APOOL: variants seen among roughly 807,000 people sequenced by gnomAD.
APOOL encodes the protein apolipoprotein O like, also known as MICOS complex subunit MIC27.
Under a neutral mutation model 23.1 loss-of-function variants are expected in APOOL, and 12 were observed. The observed-to-expected ratio is 0.52, with a 90% CI of 0.33 to 0.84. The LOEUF (loss-of-function observed/expected upper bound fraction) is 0.84. Ranked by LOEUF, APOOL falls within the 40% of genes least tolerant of loss-of-function variation. The pLI is 0.02. For synonymous variants in APOOL, 77 were observed against 69.9 expected (o/e 1.10, Z -0.51); for missense variants, 212 against 199.6 (o/e 1.06, Z -0.37).
At chrX:85,070,380 A>G (rs1923622232) in intron 6 of APOOL, among the ~76,000 whole-genome samples, 1 of 111,227 alleles carries the variant, frequency 9.0e-6, no homozygotes, top group Non-Finnish European at 1.9e-5. Flanking sequence ...AGATGGAATT[A>G]CTCTTCGCTT....
chrX:85,060,425 G>T, intron 5 of APOOL, among the ~76,000 whole-genome samples: 1 of 107,218 alleles, frequency 9.3e-6, no homozygotes, highest in African/African-American at 3.4e-5. Context: ...GAAAGTCATT[G>T]GTAGCTTGAT....
At position 85,073,309 on chromosome X, in the gene APOOL, G is replaced by C. The variant is rs747038930; in HGVS notation, c.487-689G>C. Among the ~76,000 whole-genome samples the C allele has an allele frequency of 3.6e-5, 4 of 111,072 alleles. No homozygotes were observed. In the East Asian group the frequency reaches 1.1e-3, roughly 31 times the overall value. On this transcript the variant is annotated intron_variant, in intron 6 of 8. Transcript: ENST00000373173. ...CTGTTGAAATTACTTTAACTAAAAT[G>C]AACAAAAGCATTGGAGAAGAATAGG...
intron 1 of APOOL, among the ~76,000 whole-genome samples, chrX:85,018,141 A>G (rs1452913160): frequency 3.6e-5 from 4 of 112,522 alleles, no homozygotes; most frequent in Non-Finnish European, 7.5e-5. Context: ...TCTATGTTGC[A>G]TTAGACCATT....
At chrX:85,064,211 T>A (rs1163672758) in intron 5 of APOOL, among the ~76,000 whole-genome samples, 2 of 111,148 alleles carry the variant, frequency 1.8e-5, no homozygotes, top group African/African-American at 6.5e-5. Flanking sequence ...ATGGGATCAG[T>A]CATGGTATCT....
At chrX:85,044,087 A>C (rs1922491146) in intron 1 of APOOL, among the ~76,000 whole-genome samples, 1 of 111,394 alleles carries the variant, frequency 9.0e-6, no homozygotes, top group Non-Finnish European at 1.9e-5. Context: ...TGAGCACTTG[A>C]AATGGAACTA....
chrX:85,065,910 A>G (rs1923439167), intron 5 of APOOL, among the ~76,000 whole-genome samples: 1 of 111,456 alleles, frequency 9.0e-6, no homozygotes, highest in South Asian at 3.8e-4. Context: ...CTCTTTCTGC[A>G]TACCACAAAA....
rs376882136 is a variant in APOOL, at chrX:85,055,308, C to T, written c.296-519C>T. 1.4e-4 allele frequency among the ~76,000 whole-genome samples: 16 copies of T among 111,835 alleles called. No individual in the cohort carries two copies. In the East Asian group the frequency reaches 2.0e-3, roughly 14 times the overall value. On this transcript the variant is annotated intron_variant, in intron 4 of 8. Transcript: ENST00000373173. The stretch of plus-strand genomic sequence containing the variant: ...TCTTCATCTACTTTTTGTCTAGGCT[C>T]ACTGATGATTGACTTTAACCAACAG...
At chrX:85,084,070 A>G (rs1924205554) in intron 8 of APOOL, among the ~76,000 whole-genome samples, 1 of 110,137 alleles carries the variant, frequency 9.1e-6, no homozygotes, top group Non-Finnish European at 1.9e-5. Flanking sequence ...TAATCCATTC[A>G]AGAGATGAAG....
chrX:85,078,732 G>C (rs1475523739), intron 8 of APOOL, among the ~76,000 whole-genome samples: 1 of 111,464 alleles, frequency 9.0e-6, no homozygotes. Flanking sequence ...ATCATGGACT[G>C]TTCTTCCATT....
intron 1 of APOOL, 136 bp downstream of exon 1, chrX:85,004,063 C>G: frequency 1.2e-6 from 1 of 818,232 alleles, no homozygotes; most frequent in East Asian, 3.2e-5. Context: ...TAATTGCAAT[C>G]TTTATCGTTT....
intron 8 of APOOL, among the ~76,000 whole-genome samples, chrX:85,085,662 T>A (rs1295058303): frequency 8.9e-6 from 1 of 112,412 alleles, no homozygotes; most frequent in Admixed American, 9.4e-5. Flanking sequence ...AAATTAATTT[T>A]AAAATGAATC....
At chrX:85,034,503 C>T (rs1922147386) in intron 1 of APOOL, among the ~76,000 whole-genome samples, 2 of 110,070 alleles carry the variant, frequency 1.8e-5, no homozygotes, top group Non-Finnish European at 3.8e-5. Flanking sequence ...TTTAGGGGTA[C>T]ATGTGCAGGT....
At chrX:85,003,986 A>G in intron 1 of APOOL, 59 bp downstream of exon 1, 1 of 1,189,891 alleles carries the variant, frequency 8.4e-7, no homozygotes, top group Non-Finnish European at 1.1e-6. Flanking sequence ...CGGTAACTGT[A>G]AAAGGGATCC....
chrX:85,004,460 G>A, intron 1 of APOOL, among the ~76,000 whole-genome samples: 1 of 111,713 alleles, frequency 9.0e-6, no homozygotes, highest in African/African-American at 3.3e-5. Flanking sequence ...TTTACGCTTG[G>A]GAAAGGTGCC....
chrX:85,020,565 G>A (rs1026491017), intron 1 of APOOL, among the ~76,000 whole-genome samples: 3 of 111,085 alleles, frequency 2.7e-5, no homozygotes, highest in African/African-American at 9.8e-5. Context: ...CCACAGACCC[G>A]GGCTCCAGAC....
intron 1 of APOOL, among the ~76,000 whole-genome samples, chrX:85,021,266 C>T (rs1282708001): frequency 9.0e-6 from 1 of 111,031 alleles, no homozygotes; most frequent in Non-Finnish European, 1.9e-5. Context: ...AGAACCCAGG[C>T]CAGTCCTTTC....
In APOOL at chrX:85,056,667, C is replaced by G. The variant is rs761819685; in HGVS notation, c.394+742C>G. ...CTGAGGCAGGAGAATCACTTGAACC[C>G]GGGAGGCAGAGGTTGTGATGAGCCA... On this transcript the variant is annotated intron_variant, in intron 5 of 8. Coordinates refer to ENST00000373173, the MANE Select transcript of APOOL (RefSeq NM_198450.6). 2.7e-5 allele frequency among the ~76,000 whole-genome samples: 3 copies of G among 111,029 alleles called. No homozygotes were observed. In the South Asian group the frequency reaches 1.1e-3, roughly 42 times the overall value.
At chrX:85,017,829 T>C (rs1464594128) in intron 1 of APOOL, among the ~76,000 whole-genome samples, 1 of 112,165 alleles carries the variant, frequency 8.9e-6, no homozygotes, top group East Asian at 2.8e-4. Context: ...CAGTGGAATG[T>C]GTGTTTGGAG....
At chrX:85,038,013 A>G (rs1020894291) in intron 1 of APOOL, among the ~76,000 whole-genome samples, 28 of 112,222 alleles carry the variant, frequency 2.5e-4, no homozygotes, top group African/African-American at 9.0e-4. Flanking sequence ...CTGCACAGCA[A>G]AAGAAATCAT....
Sources: gnomAD v4.1 joint callset for allele counts (sites outside exome capture counted in the v4.1 genomes callset) on GRCh38, gnomAD v4.1.1 for gene constraint, MANE v1.5 for transcripts, NCBI Gene and HGNC (gene_info 2026-07-23, HGNC 2026-07-21) for gene names.